The following KCTD20 variants were observed in gnomAD, a reference collection of about 807,000 sequenced individuals.
KCTD20 encodes potassium channel tetramerization domain containing 20.
Under a neutral mutation model 39.6 loss-of-function variants are expected in KCTD20, and 30 were observed. The ratio of observed to expected loss-of-function variants is 0.76; its 90% CI spans 0.57 to 1.03. The LOEUF (loss-of-function observed/expected upper bound fraction) is 1.03. Among genes scored for constraint, KCTD20 ranks in the 50% least tolerant of loss-of-function variants. The pLI is 0.00. For synonymous variants in KCTD20, 162 were observed against 180.6 expected, an observed-to-expected ratio of 0.90 and a Z score of 0.83; for missense variants, 422 against 522.0, an observed-to-expected ratio of 0.81 and a Z score of 1.87.
At chr6:36,483,295 T>A (rs1402238342) in intron 6 of KCTD20, among the ~76,000 whole-genome samples, 3 of 116,418 alleles carry the variant, frequency 2.6e-5, no homozygotes, top group South Asian at 5.5e-4. Flanking sequence ...TGAGACAGAG[T>A]CCCACCTCCT....
At chr6:36,480,073 C>T (rs1276824131) in intron 5 of KCTD20, among the ~76,000 whole-genome samples, 4 of 152,074 alleles carry the variant, frequency 2.6e-5, no homozygotes, top group Admixed American at 6.6e-5. Context: ...GGATTACAGG[C>T]GTGAGCCACC....
Position 36,485,214 on chromosome 6 carries a change from T to A in KCTD20, c.967+390T>A, listed in dbSNP as rs78604209. Among the ~76,000 whole-genome samples the A allele has an allele frequency of 8.6e-3, 1,304 of 152,082 alleles. 14 individuals are homozygous for A. Among genetic ancestry groups the A allele is most frequent in the Middle Eastern group, 0.048 (14 of 294 alleles). The stretch of plus-strand genomic sequence containing the variant: ...AGCTTGGGGACTCAAAATTAAAGAT[T>A]ATTCCGGCTGGGCACAGTTTGTTGT... On this transcript the variant is annotated intron_variant, in intron 7 of 7. Transcript: ENST00000373731.
intron 1 of KCTD20, among the ~76,000 whole-genome samples, chr6:36,456,431 A>G (rs1775436254): frequency 6.6e-6 from 1 of 152,082 alleles, no homozygotes; most frequent in African/African-American, 2.4e-5. Flanking sequence ...GGCGCCCGTC[A>G]CCACATCCAG....
chr6:36,483,179 C>A (rs1040093597), intron 6 of KCTD20, among the ~76,000 whole-genome samples: 1 of 150,672 alleles, frequency 6.6e-6, no homozygotes, highest in East Asian at 1.9e-4. Flanking sequence ...AAATTATCCT[C>A]CATAAAATTT....
chr6:36,447,370 G>A (rs1433719768), intron 1 of KCTD20, among the ~76,000 whole-genome samples: 2 of 152,314 alleles, frequency 1.3e-5, no homozygotes, highest in African/African-American at 4.8e-5. Context: ...GCTCAAGCCT[G>A]TAATCCCAGC....
rs148012816 is a variant in KCTD20 at position 36,475,024 on chromosome 6, A to G, written c.396A>G (p.Pro132=). 26 of 1,614,196 alleles carry G rather than the reference A, an allele frequency of 1.6e-5. No homozygotes were observed. In the African/African-American group the frequency reaches 3.2e-4, roughly 20 times the overall value. The change falls in exon 3 of 8, where the codon CCA becomes CCG. Residue 132 remains proline (P), a synonymous_variant. Transcript: ENST00000373731. The part of the protein sequence containing the change: ...LVDGTRFVVN[P]QIFTAHPDTM... ...ATGGCACACGTTTTGTTGTGAATCCACAGATTTTCACTGCTCATCCGGATA... is the reference window on the plus strand; with the variant it reads ...ATGGCACACGTTTTGTTGTGAATCCGCAGATTTTCACTGCTCATCCGGATA...
At chr6:36,457,980 T>A (rs1370409866) in intron 1 of KCTD20, among the ~76,000 whole-genome samples, 2 of 152,066 alleles carry the variant, frequency 1.3e-5, no homozygotes, top group Non-Finnish European at 2.9e-5. Flanking sequence ...TTGGTAAAAT[T>A]GTGGCGGTGG....
At chr6:36,481,285 T>C (rs954739654) in intron 5 of KCTD20, among the ~76,000 whole-genome samples, 1 of 138,130 alleles carries the variant, frequency 7.2e-6, no homozygotes, top group Admixed American at 7.0e-5. Context: ...TCATCTCTTA[T>C]AGGATTAACA....
chr6:36,454,432 C>T (rs62402184), intron 1 of KCTD20, among the ~76,000 whole-genome samples: 3,668 of 151,586 alleles, frequency 0.024, 49 homozygotes, highest in Non-Finnish European at 0.027. Flanking sequence ...ACCTCCACCT[C>T]CCGGGTTCAA....
At chr6:36,482,349 C>T (rs994157383) in intron 6 of KCTD20, among the ~76,000 whole-genome samples, 3 of 149,232 alleles carry the variant, frequency 2.0e-5, no homozygotes, top group African/African-American at 7.4e-5. Flanking sequence ...GTCAGGAGTT[C>T]AAGACCAGTC....
intron 1 of KCTD20, among the ~76,000 whole-genome samples, chr6:36,446,024 G>GTTTTTTTTTTTTTTT (rs553882182): frequency 1.6e-5 from 2 of 126,536 alleles, no homozygotes; most frequent in African/African-American, 3.0e-5. Context: ...TATGAACTCA[G>GTTTTTTTTTTTTTTT]TTTTTTTTTT....
At position 36,469,559 on chromosome 6, in the gene KCTD20, C is replaced by T. The variant is rs1775852458; in HGVS notation, c.-46-493C>T. On this transcript the variant is annotated intron_variant, in intron 1 of 7. Coordinates refer to ENST00000373731, the MANE Select transcript of KCTD20 (RefSeq NM_173562.5). This position sits in a 1 kb window ranked among gnomAD's most constrained non-coding sequence, Gnocchi z 4.6. ...AAAAGGAGAACTTGAGCTCTACAAT[C>T]AGAATTAGCTTTTTTCTTCAGCTCA... Among the ~76,000 whole-genome samples, 1 of 152,154 alleles carries T rather than the reference C, an allele frequency of 6.6e-6. No homozygotes were observed. Among genetic ancestry groups the T allele is most frequent in the Non-Finnish European group, 1.5e-5 (1 of 68,026 alleles).
chr6:36,470,324 A>T (rs1775875165), intron 2 of KCTD20, 67 bp downstream of exon 2: 1 of 1,384,394 alleles, frequency 7.2e-7, no homozygotes. Context: ...CTCTACCCAG[A>T]AGGCATGAAT....
intron 3 of KCTD20, among the ~76,000 whole-genome samples, chr6:36,477,481 C>CTTTTTTT (rs760205169): frequency 1.5e-5 from 2 of 130,944 alleles, no homozygotes; most frequent in African/African-American, 5.7e-5. Flanking sequence ...ATTTTCTTTT[C>CTTTTTTT]TTTTTTTTTT....
chr6:36,484,844 C>G lies in KCTD20; in HGVS notation c.967+20C>G, dbSNP rs755517810. On this transcript the variant is annotated intron_variant, in intron 7 of 7. Transcript: ENST00000373731. ...TTGAAGGTAAAAAAAAAAAAAAAAT[C>G]CCAGTCAACATTCAGGTTGGGTCTA... 10 of 1,148,306 alleles carry G rather than the reference C, an allele frequency of 8.7e-6. No individual in the cohort carries two copies. The South Asian group carries it at 1.3e-4, about 15-fold the overall frequency. 71.1% of individuals were successfully genotyped at this position (1,148,306 alleles called of 1,614,324 possible). A position where few individuals can be genotyped will look rare whatever the true frequency, so the allele number is the denominator to read the frequency against.
At chr6:36,482,620 G>T (rs893379893) in intron 6 of KCTD20, among the ~76,000 whole-genome samples, 2 of 150,454 alleles carry the variant, frequency 1.3e-5, no homozygotes, top group Non-Finnish European at 1.5e-5. Flanking sequence ...GCACAAATGT[G>T]CCATAATTGA....
In KCTD20 at chr6:36,469,265, C is replaced by T. The variant is rs1283703869; in HGVS notation, c.-46-787C>T. On this transcript the variant is annotated intron_variant, in intron 1 of 7. Transcript: ENST00000373731. This position sits in a 1 kb window ranked among gnomAD's most constrained non-coding sequence, Gnocchi z 4.6. ...TGAACTTCAGAAATATTTTGAGTAG[C>T]CGCCATCGAGGATGGAAGGGTTGCA... Among the ~76,000 whole-genome samples, 1 of 152,092 alleles carries T rather than the reference C, an allele frequency of 6.6e-6. No homozygotes were observed. The highest frequency in any genetic ancestry group is 1.5e-5 in the Non-Finnish European group (1 of 68,020).
intron 6 of KCTD20, among the ~76,000 whole-genome samples, chr6:36,482,945 CAAA>C (rs1193405719): frequency 1.2e-4 from 10 of 82,414 alleles, no homozygotes; most frequent in African/African-American, 1.3e-4. Flanking sequence ...GACTACGTCT[CAAA>C]AAAAAAAAAA....
rs1775426033 is a variant in KCTD20, at chr6:36,456,103, A to G, written c.-47+12992A>G. Among the ~76,000 whole-genome samples the G allele has an allele frequency of 2.0e-5, 3 of 152,122 alleles. No homozygotes were observed. The South Asian group carries it at 6.2e-4, about 32-fold the overall frequency. ...TCAGCTTTTCTGAGCGCTCTCCAGT[A>G]GGAGGTTTATTCTGGTAGAAACTTG... On this transcript the variant is annotated intron_variant, in intron 1 of 7. Coordinates refer to ENST00000373731, the MANE Select transcript of KCTD20 (RefSeq NM_173562.5).
Sources: gnomAD v4.1 joint callset for allele counts (sites outside exome capture counted in the v4.1 genomes callset) on GRCh38, gnomAD v4.1.1 for gene constraint, Gnocchi (gnomAD v3.1) non-coding constraint, MANE v1.5 for transcripts, NCBI Gene and HGNC (gene_info 2026-07-23, HGNC 2026-07-21) for gene names.